MAPK6: variants seen among roughly 807,000 people sequenced by gnomAD.
The protein encoded by MAPK6 is mitogen-activated protein kinase 6, also known as ERK-3.
MAPK6 carries 19 observed loss-of-function variants against 59.3 expected under a neutral mutation model. That is an observed-to-expected ratio of 0.32 (90% CI 0.22 to 0.47). MAPK6 has a LOEUF of 0.47. MAPK6 is among the 20% of genes least tolerant of loss of function. The probability of loss-of-function intolerance (pLI) is 1.00; values close to 1 mark genes in which losing one functional copy is unlikely to be tolerated. For missense variants in MAPK6, 724 were observed against 847.9 expected, an observed-to-expected ratio of 0.85 and a Z score of 1.81; for synonymous variants, 316 against 290.3, an observed-to-expected ratio of 1.09 and a Z score of -0.90.
chr15:52,039,509 CTTTT>C (rs11341546), intron 1 of MAPK6, among the ~76,000 whole-genome samples: 9 of 85,828 alleles, frequency 1.0e-4, no homozygotes, highest in South Asian at 3.9e-4. Context: ...AGTGTTTTGT[CTTTT>C]TTTTTTTTTT....
intron 3 of MAPK6, among the ~76,000 whole-genome samples, chr15:52,010,421 G>A (rs371377763): frequency 1.3e-5 from 2 of 151,426 alleles, no homozygotes; most frequent in East Asian, 3.9e-4. Context: ...CTCCATGTTG[G>A]TCAGGCTGGT....
intron 3 of MAPK6, among the ~76,000 whole-genome samples, chr15:52,007,740 C>A (rs1025244996): frequency 3.3e-5 from 5 of 151,180 alleles, no homozygotes; most frequent in Admixed American, 1.3e-4. Flanking sequence ...TGTGGACTCA[C>A]CAAAATGACA....
chr15:52,064,630 G>C lies in MAPK6; in HGVS notation c.1796G>C (p.Ser599Thr), dbSNP rs1393873249. Reference sequence around the variant, plus strand: ...TCTTCTTGGGACAGCCAGTTTGTGAGTGGTGGGGAGGACTGTTTTTTCATA... The same window carrying C: ...TCTTCTTGGGACAGCCAGTTTGTGACTGGTGGGGAGGACTGTTTTTTCATA... The part of the protein sequence containing the change: ...YQSSWDSQFV[S>T]GGEDCFFINQ... Residue 599 changes from serine to threonine, a missense_variant, in exon 6 of 6, where the codon AGT (serine) becomes ACT (threonine). This residue lies in a region of MAPK6 where 502 missense variants were observed against 507.6 expected (regional missense o/e 0.99). Transcript: ENST00000261845. The C allele has an allele frequency of 1.9e-6, 3 of 1,611,864 alleles. No homozygotes were observed. The highest frequency in any genetic ancestry group is 2.5e-6 in the Non-Finnish European group (3 of 1,179,740).
chr15:52,022,159 A>G (rs1411364732), intron 1 of MAPK6, among the ~76,000 whole-genome samples: 3 of 152,192 alleles, frequency 2.0e-5, no homozygotes, highest in Non-Finnish European at 4.4e-5. Context: ...CCCTGTCTCA[A>G]TTTTTAAAAT....
exon 3 of MAPK6, chr15:52,004,314 C>A (rs932064745): frequency 1.3e-5 from 2 of 152,176 alleles, no homozygotes; most frequent in Non-Finnish European, 2.9e-5. Context: ...CATAAGCCTT[C>A]ATCAGAAGCT....
chr15:52,044,851 G>T (rs1323847924), intron 1 of MAPK6, among the ~76,000 whole-genome samples: 1 of 150,610 alleles, frequency 6.6e-6, no homozygotes, highest in African/African-American at 2.4e-5. Flanking sequence ...TTAAAACGCA[G>T]ATAAATGATT....
chr15:52,042,236 A>G (rs2031444838), intron 1 of MAPK6, among the ~76,000 whole-genome samples: 1 of 152,234 alleles, frequency 6.6e-6, no homozygotes, highest in Middle Eastern at 3.2e-3. Flanking sequence ...GAATCACTGA[A>G]CAAGCACTGC....
chr15:52,034,558 G>A (rs1041822737), intron 1 of MAPK6, among the ~76,000 whole-genome samples: 2 of 151,344 alleles, frequency 1.3e-5, no homozygotes, highest in Admixed American at 6.6e-5. Flanking sequence ...TGCCTGCCTC[G>A]GCCCCCCAAA....
rs2032356981 is a variant in MAPK6 at position 52,064,973 on chromosome 15, C to T, written c.2139C>T (p.Tyr713=). 1.2e-6 allele frequency: 2 copies of T among 1,609,436 alleles called. No individual in the cohort carries two copies. Among genetic ancestry groups the T allele is most frequent in the Admixed American group, 1.7e-5 (1 of 59,930 alleles). The change falls in exon 6 of 6, where the codon TAC becomes TAT. Residue 713 remains tyrosine, a synonymous_variant. Transcript: ENST00000261845. ...CCCCTCAAATTCCTCATCAAACATA[C>T]AGCAGCATTCTGAAACATCTGAACT... The part of the protein sequence containing the change: ...KSSPQIPHQT[Y]SSILKHLN
intron 1 of MAPK6, among the ~76,000 whole-genome samples, chr15:51,981,704 T>C (rs1174677584): frequency 6.6e-6 from 1 of 152,042 alleles, no homozygotes; most frequent in African/African-American, 2.4e-5. Flanking sequence ...AAAAAGACCT[T>C]TGCAGCAGGC....
chr15:52,016,056 G>GCA (rs2030237522), upstream of MAPK6, among the ~76,000 whole-genome samples: 2 of 45,778 alleles, frequency 4.4e-5, no homozygotes, highest in Non-Finnish European at 8.4e-5. Flanking sequence ...ACTCCATCGC[G>GCA]CGCGCGCGCG....
chr15:52,005,432 C>CAGGAGAAT (rs1162900792), intron 3 of MAPK6, among the ~76,000 whole-genome samples: 1 of 151,898 alleles, frequency 6.6e-6, no homozygotes. Flanking sequence ...GAGGCTGAGG[C>CAGGAGAAT]AGGAGAATTG....
intron 2 of MAPK6, among the ~76,000 whole-genome samples, chr15:51,985,553 G>A (rs1378378485): frequency 6.6e-6 from 1 of 152,082 alleles, no homozygotes; most frequent in Non-Finnish European, 1.5e-5. Context: ...TACTCAGGAG[G>A]CTGAGGCAGG....
rs1326024935 is a variant in MAPK6, at chr15:52,065,736, G to A, written c.*736G>A. The A allele has an allele frequency of 8.2e-5, 4 of 49,004 alleles. No homozygotes were observed. In the South Asian group the frequency reaches 1.0e-3, roughly 12 times the overall value. The allele number at this position is 49,004 out of a possible 1,614,324, so 3.0% of individuals were successfully genotyped here. On this transcript the variant is annotated 3_prime_UTR_variant, in exon 6 of 6. Transcript: ENST00000261845. ...TTAACTTAGTTTTTAAAATTTATTT[G>A]CAAATATACTTTACTTTTTCCATTT...
chr15:52,051,203 G>A (rs992223967), intron 3 of MAPK6, among the ~76,000 whole-genome samples: 11 of 152,138 alleles, frequency 7.2e-5, no homozygotes, highest in Admixed American at 3.3e-4. Flanking sequence ...GACTACAGGC[G>A]CCCGCCCCGT....
At chr15:51,977,894 G>A (rs2057161851) in intron 1 of MAPK6, among the ~76,000 whole-genome samples, 1 of 151,752 alleles carries the variant, frequency 6.6e-6, no homozygotes. Context: ...GTGCCCAGCT[G>A]AGCCTTTCCT....
chr15:52,041,346 G>A (rs1038924606), intron 1 of MAPK6, among the ~76,000 whole-genome samples: 2 of 152,006 alleles, frequency 1.3e-5, no homozygotes, highest in African/African-American at 4.8e-5. Context: ...ACAGACATGC[G>A]CCACCACGCC....
At chr15:52,016,062 GCGCGCGCGCACACA>G (rs1294858922), upstream of MAPK6, among the ~76,000 whole-genome samples, 159 of 59,156 alleles carry the variant, frequency 2.7e-3, 2 homozygotes, top group African/African-American at 0.01. Context: ...TCGCGCGCGC[GCGCGCGCGCACACA>G]CACACACACA....
At chr15:51,989,587 C>T (rs1430192270) in intron 2 of MAPK6, among the ~76,000 whole-genome samples, 1 of 151,948 alleles carries the variant, frequency 6.6e-6, no homozygotes. Context: ...TGAACAGAAG[C>T]TTAAAATATT....
Sources: gnomAD v4.1 joint callset for allele counts (sites outside exome capture counted in the v4.1 genomes callset) on GRCh38, gnomAD v4.1.1 for gene constraint, gnomAD v4.1.1 regional missense constraint, MANE v1.5 for transcripts, NCBI Gene and HGNC (gene_info 2026-07-23, HGNC 2026-07-21) for gene names.